SATB2: variants seen among roughly 807,000 people sequenced by gnomAD.
SATB2 encodes the protein DNA-binding protein SATB2.
Under a neutral mutation model 73.4 loss-of-function variants are expected in SATB2, and 1 was observed. The observed-to-expected ratio is 0.01, with a 90% CI of 0.00 to 0.06. The LOEUF is 0.06. Ranked by LOEUF, SATB2 falls within the 10% of genes least tolerant of loss-of-function variation. SATB2 has a pLI of 1.00. For synonymous variants in SATB2, 397 were observed against 367.0 expected, an observed-to-expected ratio of 1.08 and a Z score of -0.93; for missense variants, 459 against 945.8, an observed-to-expected ratio of 0.49 and a Z score of 6.75.
intron 3 of SATB2, among the ~76,000 whole-genome samples, chr2:199,432,155 C>T (rs1236824277): frequency 6.6e-6 from 1 of 152,172 alleles, no homozygotes; most frequent in Non-Finnish European, 1.5e-5. Context: ...ATTCAGACTG[C>T]GCTGGGATTC....
chr2:199,327,838 T>C (rs369533325), intron 8 of SATB2, among the ~76,000 whole-genome samples: 9 of 152,206 alleles, frequency 5.9e-5, no homozygotes, highest in South Asian at 2.1e-4. Context: ...TAAAGGATCA[T>C]TGAGTGACAT....
chr2:199,336,665 T>A (rs1167480956), intron 7 of SATB2, among the ~76,000 whole-genome samples: 2 of 152,192 alleles, frequency 1.3e-5, no homozygotes, highest in Admixed American at 1.3e-4. Flanking sequence ...TGTTCTCACA[T>A]AGCACATGGG....
At chr2:199,454,278 T>C (rs1202237216) in intron 2 of SATB2, among the ~76,000 whole-genome samples, 1 of 152,150 alleles carries the variant, frequency 6.6e-6, no homozygotes. Flanking sequence ...TTCAGAAAGA[T>C]ACCAAAATTT....
chr2:199,391,449 A>G (rs997243090), intron 3 of SATB2, among the ~76,000 whole-genome samples: 1 of 130,864 alleles, frequency 7.6e-6, no homozygotes, highest in East Asian at 2.1e-4. Context: ...AAAAAAAAAA[A>G]AAACAAAAAA....
At chr2:199,372,050 C>T (rs1689465390) in intron 5 of SATB2, among the ~76,000 whole-genome samples, 1 of 151,816 alleles carries the variant, frequency 6.6e-6, no homozygotes, top group African/African-American at 2.4e-5. Flanking sequence ...AAACAGTGGC[C>T]ACAGACAAAG....
chr2:199,306,504 G>A (rs1290785436), intron 10 of SATB2, among the ~76,000 whole-genome samples: 4 of 152,146 alleles, frequency 2.6e-5, no homozygotes, highest in Non-Finnish European at 4.4e-5. Context: ...TATAAAATAA[G>A]TGCATTTCTC....
chr2:199,362,586 A>T (rs565674805), intron 6 of SATB2, among the ~76,000 whole-genome samples: 1 of 152,236 alleles, frequency 6.6e-6, no homozygotes, highest in East Asian at 1.9e-4. Context: ...AGAAGTGCTC[A>T]CTAAACATTT....
intron 7 of SATB2, among the ~76,000 whole-genome samples, chr2:199,335,664 G>T (rs1248925726): frequency 1.3e-5 from 2 of 152,134 alleles, no homozygotes; most frequent in Non-Finnish European, 2.9e-5. Context: ...TCCTATCTTT[G>T]CTGAACAGCG....
chr2:199,459,664 T>A (rs979780083), upstream of SATB2: 11 of 152,528 alleles, frequency 7.2e-5, no homozygotes, highest in African/African-American at 2.7e-4. The surrounding 1 kb of genome is among the most constrained non-coding windows in gnomAD (Gnocchi z 4.2). Context: ...CTCTCCCACA[T>A]CTCCCGCAGC....
At chr2:199,292,912 T>A (rs1692914380) in intron 10 of SATB2, among the ~76,000 whole-genome samples, 1 of 152,196 alleles carries the variant, frequency 6.6e-6, no homozygotes, top group Admixed American at 6.5e-5. Flanking sequence ...AGCCTGCAAG[T>A]ATTTATGTTT....
Position 199,270,677 on chromosome 2 carries a change from C to T in SATB2, c.*1534G>A, listed in dbSNP as rs1468222671. 6.6e-6 allele frequency: 1 copy of T among 152,290 alleles called. No individual in the cohort carries two copies. The highest frequency in any genetic ancestry group is 1.5e-5 in the Non-Finnish European group (1 of 68,042). 9.4% of individuals were successfully genotyped at this position (152,290 alleles called of 1,614,324 possible). A position where few individuals can be genotyped will look rare whatever the true frequency, so the allele number is the denominator to read the frequency against. ...TTTCTCATAGGAAGCCGAAAGAGAT[C>T]TGGAGTACTATAGTAGATTGCAGCT... On this transcript the variant is annotated 3_prime_UTR_variant, in exon 11 of 11. Coordinates refer to ENST00000417098, the MANE Select transcript of SATB2 (RefSeq NM_001172509.2).
intron 10 of SATB2, among the ~76,000 whole-genome samples, chr2:199,294,571 A>G (rs1241720845): frequency 1.3e-5 from 2 of 152,188 alleles, no homozygotes; most frequent in East Asian, 1.9e-4. Flanking sequence ...ATGCACCCAA[A>G]TAAGAGTTCC....
At chr2:199,330,092 C>T (rs985265415) in intron 7 of SATB2, among the ~76,000 whole-genome samples, 5 of 152,078 alleles carry the variant, frequency 3.3e-5, no homozygotes, top group Admixed American at 2.0e-4. Flanking sequence ...CATTTCCACT[C>T]AGGTGAAAAT....
chr2:199,439,413 T>C (rs906249908), intron 2 of SATB2, among the ~76,000 whole-genome samples: 2 of 152,216 alleles, frequency 1.3e-5, no homozygotes, highest in Admixed American at 1.3e-4. Context: ...CTGCAGCTTA[T>C]CTAGTTCTAT....
chr2:199,449,707 T>G (rs1574640044), intron 2 of SATB2, among the ~76,000 whole-genome samples: 1 of 152,174 alleles, frequency 6.6e-6, no homozygotes, highest in Non-Finnish European at 1.5e-5. Context: ...ATTTAAGTAG[T>G]AGGATGATGA....
At chr2:199,287,433 A>C (rs1164453760) in intron 10 of SATB2, among the ~76,000 whole-genome samples, 1 of 152,210 alleles carries the variant, frequency 6.6e-6, no homozygotes, top group Non-Finnish European at 1.5e-5. Context: ...GACTTAAATA[A>C]TGATTCCTAA....
chr2:199,299,668 A>G (rs1224829553), intron 10 of SATB2, among the ~76,000 whole-genome samples: 1 of 152,090 alleles, frequency 6.6e-6, no homozygotes, highest in Non-Finnish European at 1.5e-5. Context: ...TGGTGCCTGG[A>G]ATAACACTTG....
In SATB2 at chr2:199,412,871, A is replaced by G. The variant is rs146545634; in HGVS notation, c.346+20467T>C. On this transcript the variant is annotated intron_variant, in intron 3 of 10. Coordinates refer to ENST00000417098, the MANE Select transcript of SATB2 (RefSeq NM_001172509.2). The stretch of plus-strand genomic sequence containing the variant: ...TGTAAAATCCATGGAGAATGTAGCT[A>G]ACTATTTATCAGGAAAGGAGTGTAA... 6.0e-4 allele frequency among the ~76,000 whole-genome samples: 91 copies of G among 152,314 alleles called. 3 individuals are homozygous for G. The East Asian group carries it at 0.015, about 25-fold the overall frequency.
chr2:199,465,978 C>T (rs1692585278), upstream of SATB2, among the ~76,000 whole-genome samples: 1 of 152,202 alleles, frequency 6.6e-6, no homozygotes. Context: ...AACCTGTGCA[C>T]TCATATCTCC....
Sources: allele counts gnomAD v4.1 joint callset (sites outside exome capture counted in the v4.1 genomes callset), GRCh38; gene constraint gnomAD v4.1.1; non-coding constraint Gnocchi (gnomAD v3.1); transcripts MANE v1.5; gene names NCBI Gene and HGNC (gene_info 2026-07-23, HGNC 2026-07-21).